The following PLA2G5 variants were observed in gnomAD, a reference collection of about 807,000 sequenced individuals.
The protein encoded by PLA2G5 is Ca2+-dependent phospholipase A2.
Under a neutral mutation model 15.9 loss-of-function variants are expected in PLA2G5, and 12 were observed. The observed-to-expected ratio is 0.76, with a 90% CI of 0.48 to 1.23. The LOEUF is 1.23. Among genes scored for constraint, PLA2G5 ranks in the 50% most tolerant of loss-of-function variants. The pLI is 0.00. For missense variants in PLA2G5, 169 were observed against 177.1 expected (o/e 0.95, Z 0.26); for synonymous variants, 71 against 71.4 (o/e 0.99, Z 0.03).
At chr1:20,067,031 T>C (rs931373953), upstream of PLA2G5, among the ~76,000 whole-genome samples, 2 of 151,838 alleles carry the variant, frequency 1.3e-5, no homozygotes, top group African/African-American at 4.8e-5. Flanking sequence ...GGTCACACTC[T>C]GTCACCCAGG....
At chr1:20,088,470 CTT>C (rs57538971) in intron 3 of PLA2G5, among the ~76,000 whole-genome samples, 3,996 of 141,926 alleles carry the variant, frequency 0.028, 174 homozygotes, top group African/African-American at 0.095. Flanking sequence ...TCAATTATGG[CTT>C]TTTTTTTTTT....
At chr1:20,043,111 A>G (rs1242149967) in intron 1 of PLA2G5, among the ~76,000 whole-genome samples, 1 of 152,162 alleles carries the variant, frequency 6.6e-6, no homozygotes, top group Non-Finnish European at 1.5e-5. Flanking sequence ...CAGTCCAAGT[A>G]AAAGCAAAGA....
At chr1:20,074,823 A>C (rs570814858) in intron 1 of PLA2G5, among the ~76,000 whole-genome samples, 9 of 152,336 alleles carry the variant, frequency 5.9e-5, no homozygotes, top group African/African-American at 2.2e-4. Context: ...CACATGGGAC[A>C]GTTCTGATTC....
chr1:20,062,246 G>A (rs1233615380), intron 2 of PLA2G5, among the ~76,000 whole-genome samples: 1 of 152,192 alleles, frequency 6.6e-6, no homozygotes, highest in East Asian at 1.9e-4. Context: ...GCCTAATACA[G>A]AGGCTGTCTC....
At chr1:20,066,724 T>A (rs2015051034), upstream of PLA2G5, among the ~76,000 whole-genome samples, 1 of 152,176 alleles carries the variant, frequency 6.6e-6, no homozygotes, top group Non-Finnish European at 1.5e-5. Flanking sequence ...TAATTTCTCT[T>A]GGCAAGGCAT....
chr1:20,053,572 G>C (rs1447779531), intron 1 of PLA2G5, among the ~76,000 whole-genome samples: 2 of 52,482 alleles, frequency 3.8e-5, no homozygotes, highest in East Asian at 1.1e-3. Context: ...TTACTTTGCG[G>C]GGGGGGGGGT....
chr1:20,090,147 G>C (rs1209241604), intron 4 of PLA2G5, among the ~76,000 whole-genome samples: 1 of 152,150 alleles, frequency 6.6e-6, no homozygotes, highest in Non-Finnish European at 1.5e-5. Flanking sequence ...GTATGTTTAG[G>C]CTTCTCCATT....
At chr1:20,029,225 G>C (rs1206912092) in intron 1 of PLA2G5, among the ~76,000 whole-genome samples, 1 of 152,062 alleles carries the variant, frequency 6.6e-6, no homozygotes, top group Non-Finnish European at 1.5e-5. Context: ...GGCACCCTGC[G>C]CTCTCCTCTG....
intron 1 of PLA2G5, among the ~76,000 whole-genome samples, chr1:20,042,415 C>A (rs901896837): frequency 6.6e-6 from 1 of 152,120 alleles, no homozygotes; most frequent in Non-Finnish European, 1.5e-5. Flanking sequence ...GGGGGCCAGC[C>A]TAAAACAGTA....
chr1:20,071,431 C>T (rs2015369269), intron 1 of PLA2G5, among the ~76,000 whole-genome samples: 1 of 152,112 alleles, frequency 6.6e-6, no homozygotes, highest in Non-Finnish European at 1.5e-5. Context: ...GTATCATGCC[C>T]TACACTGAGC....
At chr1:20,053,193 C>T (rs1181864985) in intron 1 of PLA2G5, among the ~76,000 whole-genome samples, 2 of 152,204 alleles carry the variant, frequency 1.3e-5, no homozygotes, top group Non-Finnish European at 2.9e-5. Flanking sequence ...TCAGGTTTCA[C>T]AATTCTCAAG....
intron 2 of PLA2G5, among the ~76,000 whole-genome samples, chr1:20,064,611 AG>A (rs1569740957): frequency 6.6e-6 from 1 of 151,874 alleles, no homozygotes; most frequent in East Asian, 1.9e-4. Flanking sequence ...ACAGAATACA[AG>A]GTCAGGCATG....
chr1:20,037,315 C>T (rs1375998506), intron 1 of PLA2G5, among the ~76,000 whole-genome samples: 2 of 152,084 alleles, frequency 1.3e-5, no homozygotes, highest in South Asian at 2.1e-4. Context: ...CTACAGTGAT[C>T]ATTATTGTTC....
intron 2 of PLA2G5, among the ~76,000 whole-genome samples, chr1:20,061,000 AGCCATC>A (rs1279318576): frequency 2.0e-5 from 3 of 152,192 alleles, no homozygotes; most frequent in Non-Finnish European, 4.4e-5. Flanking sequence ...TACAGGCATG[AGCCATC>A]GCACCCGGCC....
At chr1:20,046,086 T>G (rs547319121) in intron 1 of PLA2G5, 4 of 152,330 alleles carry the variant, frequency 2.6e-5, no homozygotes, top group Non-Finnish European at 5.9e-5. Flanking sequence ...GAGTTTGAGT[T>G]TCTTCCTGCT....
chr1:20,056,669 T>C (rs2100438061), intron 1 of PLA2G5, among the ~76,000 whole-genome samples: 1 of 152,308 alleles, frequency 6.6e-6, no homozygotes, highest in Non-Finnish European at 1.5e-5. Flanking sequence ...TGGTGGTGTG[T>C]AATTTTCCTT....
intron 2 of PLA2G5, among the ~76,000 whole-genome samples, chr1:20,085,127 G>A (rs986012665): frequency 1.3e-5 from 2 of 152,160 alleles, no homozygotes; most frequent in Admixed American, 1.3e-4. Flanking sequence ...AAAGGTTGTG[G>A]ACATAGAGGT....
intron 1 of PLA2G5, among the ~76,000 whole-genome samples, chr1:20,080,997 T>C (rs1336879259): frequency 6.6e-6 from 1 of 151,862 alleles, no homozygotes; most frequent in East Asian, 1.9e-4. Flanking sequence ...GGCTCCGCAC[T>C]GTGCGTTCTT....
intron 3 of PLA2G5, 56 bp downstream of exon 3, chr1:20,086,283 T>A (rs1353715723): frequency 1.3e-6 from 2 of 1,561,140 alleles, no homozygotes; most frequent in Admixed American, 3.5e-5. Flanking sequence ...CCATGTTTTC[T>A]TATTCAATTC....
Sources: allele counts gnomAD v4.1 joint callset (sites outside exome capture counted in the v4.1 genomes callset), GRCh38; gene constraint gnomAD v4.1.1; transcripts MANE v1.5; gene names NCBI Gene and HGNC (gene_info 2026-07-23, HGNC 2026-07-21).